PACS1: variants seen among roughly 807,000 people sequenced by gnomAD.
PACS1 encodes the protein phosphofurin acidic cluster sorting protein 1.
PACS1 carries 24 observed loss-of-function variants against 115.0 expected under a neutral mutation model. The ratio of observed to expected loss-of-function variants is 0.21; its 90% confidence interval spans 0.15 to 0.29. PACS1 has a LOEUF of 0.29. Ranked by LOEUF, PACS1 falls within the 10% of genes least tolerant of loss-of-function variation. The probability of loss-of-function intolerance (pLI) is 1.00; values close to 1 mark genes in which losing one functional copy is unlikely to be tolerated. For missense variants in PACS1, 838 were observed against 1,251.2 expected (o/e 0.67, Z 4.98); for synonymous variants, 453 against 504.5 (o/e 0.90, Z 1.37).
At chr11:66,123,111 C>T (rs1375768393) in intron 1 of PACS1, among the ~76,000 whole-genome samples, 1 of 151,754 alleles carries the variant, frequency 6.6e-6, no homozygotes, top group Admixed American at 6.6e-5. Context: ...CCTGATCAGT[C>T]AGCAGCCATC....
intron 4 of PACS1, among the ~76,000 whole-genome samples, chr11:66,214,244 G>A (rs149139143): frequency 1.6e-3 from 245 of 152,196 alleles, no homozygotes; most frequent in African/African-American, 5.6e-3. Context: ...GTTCCAGCCC[G>A]TCTTTCTGTC....
chr11:66,135,904 C>G (rs1858830502), intron 1 of PACS1, among the ~76,000 whole-genome samples: 1 of 151,972 alleles, frequency 6.6e-6, no homozygotes, highest in South Asian at 2.1e-4. Context: ...TGATCCACCC[C>G]ACTTGGCCTC....
rs1449299519 is a variant in PACS1, at chr11:66,235,281, A to C, written c.2105-20A>C. 1 of 1,598,666 alleles carries C rather than the reference A, an allele frequency of 6.3e-7. No homozygotes were observed. On this transcript the variant is annotated intron_variant, in intron 17 of 23. Coordinates refer to ENST00000320580, the MANE Select transcript of PACS1 (RefSeq NM_018026.4). This position sits in a 1 kb window ranked among gnomAD's most constrained non-coding sequence, Gnocchi z 5.6. ...AGCTGAAGTCAGTAGGCAGTTAGTG[A>C]TCTCTTGGCTTTTCTGCAGAGCAAC...
intron 1 of PACS1, among the ~76,000 whole-genome samples, chr11:66,115,066 G>A (rs1858274887): frequency 6.6e-6 from 1 of 151,714 alleles, no homozygotes; most frequent in Admixed American, 6.6e-5. Flanking sequence ...AAAATTAGCC[G>A]GGCATGCTGG....
chr11:66,218,919 G>A (rs994600651), intron 7 of PACS1, among the ~76,000 whole-genome samples: 3 of 151,846 alleles, frequency 2.0e-5, no homozygotes, highest in African/African-American at 7.3e-5. Context: ...ACTCAAAGCA[G>A]TGAGTTTCCA....
In PACS1 at chr11:66,098,560, A is replaced by G. The variant is rs140066272; in HGVS notation, c.356+27718A>G. ...CGCCAGTTAAGGGCACTCCCAAATA[A>G]CCACTACATACTCCTTTAAGTCAGA... On this transcript the variant is annotated intron_variant, in intron 1 of 23. Transcript: ENST00000320580. Among the ~76,000 whole-genome samples the G allele has an allele frequency of 2.6e-5, 4 of 152,326 alleles. No homozygotes were observed. In the East Asian group the frequency reaches 5.8e-4, roughly 22 times the overall value.
intron 1 of PACS1, among the ~76,000 whole-genome samples, chr11:66,183,923 A>C (rs1397068346): frequency 2.0e-5 from 3 of 152,170 alleles, no homozygotes; most frequent in Non-Finnish European, 4.4e-5. Flanking sequence ...TTGCCATGGC[A>C]ATGGTAAACT....
intron 1 of PACS1, among the ~76,000 whole-genome samples, chr11:66,092,804 C>G (rs1276951232): frequency 6.6e-6 from 1 of 151,672 alleles, no homozygotes; most frequent in Non-Finnish European, 1.5e-5. Context: ...GCTTGTTTTT[C>G]TCAGGTTTGT....
intron 1 of PACS1, among the ~76,000 whole-genome samples, chr11:66,144,406 A>G (rs577948810): frequency 6.6e-6 from 1 of 152,364 alleles, no homozygotes; most frequent in African/African-American, 2.4e-5. Context: ...ATTTGTACAA[A>G]TATACATAGA....
chr11:66,076,532 A>G (rs2134495025), intron 1 of PACS1, among the ~76,000 whole-genome samples: 1 of 152,222 alleles, frequency 6.6e-6, no homozygotes, highest in East Asian at 1.9e-4. Flanking sequence ...AGCTGGGACT[A>G]TAGGCGCACG....
At chr11:66,219,934 C>T (rs190616089) in intron 8 of PACS1, 129 bp downstream of exon 8, 18 of 768,860 alleles carry the variant, frequency 2.3e-5, no homozygotes, top group Admixed American at 2.3e-4. Flanking sequence ...CTCCCCGTGG[C>T]ATACCTGGTA....
Position 66,233,305 on chromosome 11 carries a change from C to T in PACS1, c.1838+239C>T, listed in dbSNP as rs149085002. On this transcript the variant is annotated intron_variant, in intron 15 of 23. Coordinates refer to ENST00000320580, the MANE Select transcript of PACS1 (RefSeq NM_018026.4). The surrounding 1 kb of genome is among the most constrained non-coding windows in gnomAD (Gnocchi z 4.5). Reference sequence around the variant, plus strand: ...CTCCCTGCCTCCCTGCCTGGACCCCCGCCATGCCTTGACTTGCTTTATCCT... The same window carrying T: ...CTCCCTGCCTCCCTGCCTGGACCCCTGCCATGCCTTGACTTGCTTTATCCT... Among the ~76,000 whole-genome samples, 54 of 152,294 alleles carry T rather than the reference C, an allele frequency of 3.5e-4. No homozygotes were observed. The highest frequency in any genetic ancestry group is 1.3e-3 in the African/African-American group (52 of 41,548).
At chr11:66,204,876 T>C (rs1854897959) in intron 2 of PACS1, among the ~76,000 whole-genome samples, 1 of 152,138 alleles carries the variant, frequency 6.6e-6, no homozygotes, top group Non-Finnish European at 1.5e-5. Context: ...GCATGGTGGC[T>C]CACGCCTGTA....
At chr11:66,189,610 G>A (rs948193908) in intron 1 of PACS1, among the ~76,000 whole-genome samples, 4 of 152,196 alleles carry the variant, frequency 2.6e-5, no homozygotes, top group South Asian at 4.1e-4. Flanking sequence ...AGTACCAGGC[G>A]CAGAGTGAAT....
chr11:66,236,068 G>A lies in PACS1; in HGVS notation c.2250+128G>A. 2.3e-6 allele frequency: 2 copies of A among 876,306 alleles called. No homozygotes were observed. Among genetic ancestry groups the A allele is most frequent in the South Asian group, 2.7e-5 (2 of 75,036 alleles). The allele number at this position is 876,306 out of a possible 1,614,324, so 54.3% of individuals were successfully genotyped here. ...CAGACACTGGAGATTTTGCCTCCAG[G>A]GACTACCTGGCAGTGTCTGGAGACG... On this transcript the variant is annotated intron_variant, in intron 19 of 23. Transcript: ENST00000320580. This position sits in a 1 kb window ranked among gnomAD's most constrained non-coding sequence, Gnocchi z 4.2.
intron 1 of PACS1, among the ~76,000 whole-genome samples, chr11:66,080,098 T>C (rs1321744679): frequency 4.6e-5 from 7 of 152,266 alleles, no homozygotes; most frequent in Non-Finnish European, 1.0e-4. Context: ...TTCCTTTATT[T>C]AGTTACTTTA....
chr11:66,144,238 T>G (rs1859067288), intron 1 of PACS1, among the ~76,000 whole-genome samples: 1 of 152,228 alleles, frequency 6.6e-6, no homozygotes, highest in South Asian at 2.1e-4. Context: ...AACAATAATA[T>G]GTGTTTGCTG....
intron 1 of PACS1, among the ~76,000 whole-genome samples, chr11:66,169,856 C>G (rs1385671059): frequency 5.3e-5 from 8 of 150,110 alleles, no homozygotes; most frequent in Non-Finnish European, 7.4e-5. Context: ...GAAAGTGTTT[C>G]CTCCTTTTGA....
intron 1 of PACS1, among the ~76,000 whole-genome samples, chr11:66,142,907 A>T (rs942532935): frequency 5.4e-5 from 8 of 148,222 alleles, no homozygotes; most frequent in Non-Finnish European, 1.0e-4. Flanking sequence ...CATGGAAAAA[A>T]CCCGCAATCC....
Sources: gnomAD v4.1 joint callset for allele counts (sites outside exome capture counted in the v4.1 genomes callset) on GRCh38, gnomAD v4.1.1 for gene constraint, Gnocchi (gnomAD v3.1) non-coding constraint, MANE v1.5 for transcripts, NCBI Gene and HGNC (gene_info 2026-07-23, HGNC 2026-07-21) for gene names.